ERCC5: variants seen among roughly 807,000 people sequenced by gnomAD.
ERCC5 encodes the protein DNA excision repair protein ERCC-5.
In ERCC5, 68 loss-of-function variants were observed where a neutral mutation model predicts 105.6. The ratio of observed to expected loss-of-function variants is 0.64; its 90% confidence interval spans 0.53 to 0.79. The LOEUF is 0.79. Among genes scored for constraint, ERCC5 ranks in the 30% least tolerant of loss-of-function variants. ERCC5 has a pLI of 0.00. For synonymous variants in ERCC5, 546 were observed against 526.2 expected, an observed-to-expected ratio of 1.04 and a Z score of -0.51; for missense variants, 1,373 against 1,426.7, an observed-to-expected ratio of 0.96 and a Z score of 0.61.
intron 8 of ERCC5, among the ~76,000 whole-genome samples, chr13:102,863,503 G>T (rs1299786667): frequency 6.6e-6 from 1 of 152,074 alleles, no homozygotes; most frequent in Non-Finnish European, 1.5e-5. Context: ...TGGTCTCTCT[G>T]TGGCCCTCTA....
chr13:102,867,988 T>G (rs1353623840), intron 11 of ERCC5, 125 bp from the exon 12 acceptor site: 1 of 909,480 alleles, frequency 1.1e-6, no homozygotes, highest in African/African-American at 1.7e-5. Flanking sequence ...TTTCAAATAA[T>G]AAGATATTTT....
intron 5 of ERCC5, among the ~76,000 whole-genome samples, chr13:102,857,022 T>C (rs761354680): frequency 6.6e-6 from 1 of 152,246 alleles, no homozygotes; most frequent in African/African-American, 2.4e-5. Context: ...CCCACACATA[T>C]TTTCATGAAT....
At chr13:102,871,833 T>G (rs367700863) in intron 12 of ERCC5, among the ~76,000 whole-genome samples, 90 of 152,314 alleles carry the variant, frequency 5.9e-4, no homozygotes, top group African/African-American at 2.1e-3. Context: ...TTCTGTGGTA[T>G]AATTATGAGT....
chr13:102,860,039 G>A (rs1391382659), intron 6 of ERCC5, among the ~76,000 whole-genome samples: 1 of 152,198 alleles, frequency 6.6e-6, no homozygotes, highest in African/African-American at 2.4e-5. Context: ...TCTCCGTGCT[G>A]TAGATGCTTC....
chr13:102,853,839 G>A lies in ERCC5; in HGVS notation c.347G>A (p.Arg116Lys), dbSNP rs1882295018. Residue 116 changes from arginine to lysine, a missense_variant, in exon 3 of 15, where the codon AGA becomes AAA. This residue lies in a region of ERCC5 where 1,004 missense variants were observed against 1,059.7 expected (regional missense o/e 0.95). Transcript: ENST00000652225. ...AAGCTTCTGAAAACATTTTTGAAAA[G>A]ACAAGCCATCAAAACTGCCTTCAGA... ...TEKLLKTFLK[R>K]QAIKTAFRSK... 2 of 1,614,054 alleles carry A rather than the reference G, an allele frequency of 1.2e-6. No individual in the cohort carries two copies. Among genetic ancestry groups the A allele is most frequent in the Admixed American group, 1.7e-5 (1 of 60,002 alleles).
At chr13:102,847,482 T>A (rs1882020868) in intron 1 of ERCC5, among the ~76,000 whole-genome samples, 1 of 152,022 alleles carries the variant, frequency 6.6e-6, no homozygotes, top group African/African-American at 2.4e-5. Context: ...AGCAAAGGAA[T>A]CCCTGACTGT....
At position 102,875,698 on chromosome 13, in the gene ERCC5, C is replaced by T. The variant is rs2227871; in HGVS notation, c.3356C>T (p.Ala1119Val). Residue 1119 changes from alanine to valine, a missense_variant, in exon 15 of 15, where the codon GCG becomes GTG. Physicochemically the swap from Ala to Val is moderately conservative, Grantham distance 64. Transcript: ENST00000652225. ...SLMNVQRRTA[A>V]KEPKTSASDS... The stretch of plus-strand genomic sequence containing the variant: ...ATGAATGTACAAAGGAGAACAGCTG[C>T]GAAAGAGCCAAAAACCAGTGCTTCA... 1,965 of 1,614,006 alleles carry T rather than the reference C, an allele frequency of 1.2e-3. 8 individuals carry two copies. Among genetic ancestry groups the T allele is most frequent in the South Asian group, 2.2e-3 (197 of 91,074 alleles).
intron 14 of ERCC5, among the ~76,000 whole-genome samples, chr13:102,874,059 T>G (rs73575851): frequency 3.3e-5 from 5 of 152,342 alleles, no homozygotes; most frequent in African/African-American, 9.6e-5. Context: ...TTCTCTTTGT[T>G]TTTTGGATGA....
At chr13:102,850,264 T>G (rs1887119) in intron 1 of ERCC5, among the ~76,000 whole-genome samples, 151,856 of 152,270 alleles carry the variant, frequency 1, 75,722 homozygotes, top group Middle Eastern at 1. Context: ...ACAAGGAGGA[T>G]GTCTTCATCT....
At position 102,875,826 on chromosome 13, in the gene ERCC5, C is replaced by T. The variant is rs2140544173; in HGVS notation, c.3484C>T (p.Leu1162Phe). ...DDDGGKEKMV[L>F]VTARSVFGKK... ...CGATGGAGGGAAAGAGAAGATGGTC[C>T]TCGTGACCGCCAGATCTGTGTTTGG... The change falls in exon 15 of 15, where the codon CTC becomes TTC. Residue 1162 changes from leucine (L) to phenylalanine (F), a missense_variant. Transcript: ENST00000652225. 6.2e-7 allele frequency: 1 copy of T among 1,613,472 alleles called. No individual in the cohort carries two copies. The highest frequency in any genetic ancestry group is 8.5e-7 in the Non-Finnish European group (1 of 1,180,000).
At chr13:102,846,675 A>G (rs150320032) in intron 1 of ERCC5, among the ~76,000 whole-genome samples, 56 of 152,356 alleles carry the variant, frequency 3.7e-4, no homozygotes, top group African/African-American at 1.3e-3. Flanking sequence ...TGCCGAATGC[A>G]ATGTAAGTGA....
At chr13:102,858,547 A>C in intron 6 of ERCC5, 129 bp downstream of exon 6, 1 of 1,275,654 alleles carries the variant, frequency 7.8e-7, no homozygotes. Context: ...GCATTTCTAC[A>C]TCTCAGATTC....
At position 102,862,876 on chromosome 13, in the gene ERCC5, A is replaced by G. The variant is rs1882694117; in HGVS notation, c.1727A>G (p.Glu576Gly). 1 of 1,614,076 alleles carries G rather than the reference A, an allele frequency of 6.2e-7. No individual in the cohort carries two copies. The highest frequency in any genetic ancestry group is 1.3e-5 in the African/African-American group (1 of 74,908). ...ETKCKPNSAS[E>G]VIGPVSLQET... ...AAATGTAAACCGAATTCTGCTTCTG[A>G]AGTCATTGGCCCTGTCAGTTTGCAA... The change falls in exon 8 of 15, where the codon GAA becomes GGA. Residue 576 changes from glutamate (E) to glycine (G), a missense_variant. Coordinates refer to ENST00000652225, the MANE Select transcript of ERCC5 (RefSeq NM_000123.4).
intron 6 of ERCC5, among the ~76,000 whole-genome samples, chr13:102,860,923 C>T (rs1317890724): frequency 1.3e-5 from 2 of 151,784 alleles, no homozygotes; most frequent in Non-Finnish European, 2.9e-5. Flanking sequence ...ATAGTGACTG[C>T]TATGCATTAC....
chr13:102,875,779 G>A lies in ERCC5; in HGVS notation c.3437G>A (p.Ser1146Asn). Residue 1146 changes from serine (S) to asparagine (N), a missense_variant, in exon 15 of 15, where the codon AGC becomes AAC. Transcript: ENST00000652225. The part of the protein sequence containing the change: ...APVKNGGATT[S>N]SSSDSDDDGG... Reference sequence around the variant, plus strand: ...GTGAAGAATGGAGGTGCGACCACCAGCAGCTCTAGTGATAGTGATGACGAT... The same window carrying A: ...GTGAAGAATGGAGGTGCGACCACCAACAGCTCTAGTGATAGTGATGACGAT... 1 of 1,614,148 alleles carries A rather than the reference G, an allele frequency of 6.2e-7. No homozygotes were observed.
intron 13 of ERCC5, among the ~76,000 whole-genome samples, chr13:102,873,036 G>A (rs1437151720): frequency 1.3e-5 from 2 of 152,114 alleles, no homozygotes; most frequent in Non-Finnish European, 2.9e-5. Flanking sequence ...TAAAGTGAGA[G>A]CTAAATATGT....
In ERCC5 at chr13:102,846,131, C is replaced by A; in HGVS notation, c.-136C>A. The A allele has an allele frequency of 1.5e-6, 1 of 688,384 alleles. No homozygotes were observed. The highest frequency in any genetic ancestry group is 1.8e-5 in the South Asian group (1 of 57,046). The allele number at this position is 688,384 out of a possible 1,614,324, so 42.6% of individuals were successfully genotyped here. A position where few individuals can be genotyped will look rare whatever the true frequency, so the allele number is the denominator to read the frequency against. Reference sequence around the variant, plus strand: ...GCCGTCCCCCACTGGAAAACCGTGGCTTCTGTATTATTTGCCATCTTTGTT... The same window carrying A: ...GCCGTCCCCCACTGGAAAACCGTGGATTCTGTATTATTTGCCATCTTTGTT... On this transcript the variant is annotated 5_prime_UTR_variant, in exon 1 of 15. Coordinates refer to ENST00000652225, the MANE Select transcript of ERCC5 (RefSeq NM_000123.4).
chr13:102,873,338 C>A lies in ERCC5; in HGVS notation c.2959C>A (p.Gln987Lys). 1 of 1,614,100 alleles carries A rather than the reference C, an allele frequency of 6.2e-7. No individual in the cohort carries two copies. Among genetic ancestry groups the A allele is most frequent in the Non-Finnish European group, 8.5e-7 (1 of 1,180,000 alleles). ...LFPVLKQLDA[Q>K]QTQLRIDSFF... Reference sequence around the variant, plus strand: ...TCCTGTATTAAAGCAACTCGATGCCCAGCAGGTAATCATGGTGGACCCTTC... The same window carrying A: ...TCCTGTATTAAAGCAACTCGATGCCAAGCAGGTAATCATGGTGGACCCTTC... Residue 987 changes from glutamine (Q) to lysine (K), a missense_variant, in exon 14 of 15, where the codon CAG becomes AAG. Around this residue, in one of 3 missense-constraint regions of ERCC5, gnomAD observed 367 missense variants for 350.2 expected, o/e 1.05. Coordinates refer to ENST00000652225, the MANE Select transcript of ERCC5 (RefSeq NM_000123.4).
At chr13:102,849,296 C>T (rs1882104817) in intron 1 of ERCC5, 1 of 518,594 alleles carries the variant, frequency 1.9e-6, no homozygotes, top group Non-Finnish European at 3.9e-6. Context: ...ATAATCTGTT[C>T]TTCACATGTT....
Sources: allele counts gnomAD v4.1 joint callset (sites outside exome capture counted in the v4.1 genomes callset), GRCh38; gene constraint gnomAD v4.1.1; regional missense constraint gnomAD v4.1.1; transcripts MANE v1.5; gene names NCBI Gene and HGNC (gene_info 2026-07-23, HGNC 2026-07-21).